The following IDO2 variants were observed in gnomAD, a reference collection of about 807,000 sequenced individuals.
IDO2 encodes indoleamine 2,3-dioxygenase 2, also known as indoleamine 2,3-dioxygenase-like 1 protein.
Under a neutral mutation model 45.1 loss-of-function variants are expected in IDO2, and 46 were observed. That is an observed-to-expected ratio of 1.02 (90% CI 0.80 to 1.30). The LOEUF is 1.30. Among genes scored for constraint, IDO2 ranks in the 50% most tolerant of loss-of-function variants. The probability of loss-of-function intolerance (pLI) is 0.00; values close to 1 mark genes in which losing one functional copy is unlikely to be tolerated. For missense variants in IDO2, 544 were observed against 491.8 expected, an observed-to-expected ratio of 1.11 and a Z score of -1.00; for synonymous variants, 218 against 184.9, an observed-to-expected ratio of 1.18 and a Z score of -1.45.
intron 2 of IDO2, among the ~76,000 whole-genome samples, chr8:39,949,735 TACTTATAA>T (rs1399460587): frequency 6.6e-6 from 1 of 152,208 alleles, no homozygotes; most frequent in Non-Finnish European, 1.5e-5. Flanking sequence ...CAGGAGCGCT[TACTTATAA>T]ACTGTCCTGG....
chr8:39,935,160 T>A lies in IDO2; in HGVS notation c.-76T>A, dbSNP rs759650617. ...ACAGAATGAAAACCTTCTTAGGAAA[T>A]GAAGCTTGACACTTCACCCACCAGG... is the stretch of plus-strand genomic sequence containing the variant. On this transcript the variant is annotated 5_prime_UTR_variant, in exon 1 of 11. The change abolishes an upstream ATG in the 5' untranslated region. Coordinates refer to ENST00000502986, the Ensembl canonical transcript of IDO2. 1.2e-6 allele frequency: 2 copies of A among 1,607,950 alleles called. No homozygotes were observed. The highest frequency in any genetic ancestry group is 1.7e-6 in the Non-Finnish European group (2 of 1,174,532).
At chr8:40,001,284 C>T (rs980448549) in intron 8 of IDO2, among the ~76,000 whole-genome samples, 2 of 137,138 alleles carry the variant, frequency 1.5e-5, no homozygotes, top group African/African-American at 5.7e-5. Context: ...CAGAGTCTCG[C>T]TCTGTTGCAG....
chr8:39,949,417 T>C (rs1807783158), intron 2 of IDO2, among the ~76,000 whole-genome samples, 153 bp downstream of exon 2: 1 of 152,180 alleles, frequency 6.6e-6, no homozygotes, highest in Admixed American at 6.5e-5. Context: ...TAGATTATCA[T>C]TACTATCAAA....
Position 39,981,389 on chromosome 8 carries a change from A to C in IDO2, c.316-1263A>C, listed in dbSNP as rs144295522. On this transcript the variant is annotated intron_variant, in intron 4 of 10. Coordinates refer to ENST00000502986, the Ensembl canonical transcript of IDO2. ...TTTTTAAAAGTGTGTCTGATGCTGA[A>C]AAGTTTGAAGTCTAGGCACGTCCCA... is the stretch of plus-strand genomic sequence containing the variant. Among the ~76,000 whole-genome samples the C allele has an allele frequency of 6.1e-3, 934 of 152,228 alleles. 5 individuals are homozygous for C. Among genetic ancestry groups the C allele is most frequent in the Middle Eastern group, 0.01 (3 of 294 alleles).
chr8:39,982,255 T>A (rs1040195913), intron 4 of IDO2, among the ~76,000 whole-genome samples: 2 of 143,152 alleles, frequency 1.4e-5, no homozygotes. Context: ...TATATATATG[T>A]ATATATATAT....
At chr8:39,989,902 G>C in intron 8 of IDO2, 64 bp downstream of exon 8, 2 of 1,074,348 alleles carry the variant, frequency 1.9e-6, no homozygotes, top group Non-Finnish European at 2.7e-6. Flanking sequence ...TAGGGGAAGA[G>C]GGCCTGGGGA....
At chr8:39,982,506 A>G (rs910217076) in intron 4 of IDO2, 146 bp from the exon 5 acceptor site, 6 of 589,474 alleles carry the variant, frequency 1.0e-5, no homozygotes, top group Non-Finnish European at 1.8e-5. Context: ...TGTGCGGCAT[A>G]TGAATGTGCA....
Position 39,990,885 on chromosome 8 carries a change from C to T in IDO2, c.667+1047C>T, listed in dbSNP as rs373837294. ...CATTCAGTTTCCAACATCTGGGAGG[C>T]TCTTCAAATTCTTCTCTCAGAGGAA... On this transcript the variant is annotated intron_variant, in intron 8 of 10. Transcript: ENST00000502986. Among the ~76,000 whole-genome samples, 88 of 152,296 alleles carry T rather than the reference C, an allele frequency of 5.8e-4. 1 individual carries two copies. The highest frequency in any genetic ancestry group is 3.4e-3 in the Middle Eastern group (1 of 294).
chr8:40,005,328 T>A (rs1224677098), exon 9 of IDO2: 5 of 1,572,556 alleles, frequency 3.2e-6, no homozygotes, highest in Non-Finnish European at 4.3e-6. Context: ...CTTCTCCAGA[T>A]TATGTAGATC....
chr8:40,004,568 C>A (rs12544637), intron 8 of IDO2, among the ~76,000 whole-genome samples: 6,171 of 148,788 alleles, frequency 0.041, 164 homozygotes, highest in Middle Eastern at 0.08. Context: ...GATAGATAGA[C>A]GATAGATAGA....
At chr8:39,986,401 A>C (rs1026670357) in intron 6 of IDO2, 1 of 152,196 alleles carries the variant, frequency 6.6e-6, no homozygotes, top group Admixed American at 6.5e-5. Context: ...AAAACTGGGC[A>C]GATGGGGGCA....
At chr8:40,004,567 A>ATAGATAGATGAT (rs55986019) in intron 8 of IDO2, among the ~76,000 whole-genome samples, 4 of 106,998 alleles carry the variant, frequency 3.7e-5, no homozygotes, top group Admixed American at 2.0e-4. Context: ...AGATAGATAG[A>ATAGATAGATGAT]CGATAGATAG....
chr8:39,950,973 A>G (rs191767544), intron 2 of IDO2, among the ~76,000 whole-genome samples: 3 of 152,130 alleles, frequency 2.0e-5, no homozygotes, highest in African/African-American at 7.2e-5. Context: ...GAACTTTCCC[A>G]TTTCTGACAG....
chr8:39,969,867 C>T (rs1808153191), intron 3 of IDO2, among the ~76,000 whole-genome samples: 2 of 86,534 alleles, frequency 2.3e-5, no homozygotes, highest in Admixed American at 3.0e-4. Flanking sequence ...AAGAGTAAAA[C>T]TCCTTCTCAA....
intron 3 of IDO2, 121 bp from the exon 4 acceptor site, chr8:39,978,946 A>T: frequency 1.1e-6 from 1 of 896,434 alleles, no homozygotes; most frequent in Non-Finnish European, 1.7e-6. Context: ...TACCTTCATT[A>T]AAATATAACC....
At position 39,989,715 on chromosome 8, in the gene IDO2, C is replaced by G; in HGVS notation, c.550-6C>G. ...AATAAGTTGTGTACATGCATCTCATCCCTAGGCTCTTGTTCAGGCCACGAA... is the reference window on the plus strand; with the variant it reads ...AATAAGTTGTGTACATGCATCTCATGCCTAGGCTCTTGTTCAGGCCACGAA... On this transcript the variant is annotated splice_region_variant and splice_polypyrimidine_tract_variant and intron_variant, in intron 7 of 10. Coordinates refer to ENST00000502986, the Ensembl canonical transcript of IDO2. The G allele has an allele frequency of 1.3e-6, 2 of 1,567,436 alleles. No homozygotes were observed. The highest frequency in any genetic ancestry group is 1.7e-6 in the Non-Finnish European group (2 of 1,154,088).
intron 8 of IDO2, among the ~76,000 whole-genome samples, chr8:40,002,646 C>T (rs995562135): frequency 2.0e-5 from 3 of 152,022 alleles, no homozygotes; most frequent in Admixed American, 6.6e-5. Context: ...ATTAGCTGGA[C>T]GTTGGGCACT....
At chr8:39,985,805 C>A (rs538258372) in intron 6 of IDO2, 21 of 329,356 alleles carry the variant, frequency 6.4e-5, no homozygotes, top group Admixed American at 2.9e-4. Flanking sequence ...CAAAATGAAA[C>A]TTTATCAAAT....
At chr8:39,959,805 G>A (rs1000442894) in intron 2 of IDO2, among the ~76,000 whole-genome samples, 1 of 152,172 alleles carries the variant, frequency 6.6e-6, no homozygotes, top group African/African-American at 2.4e-5. Flanking sequence ...GGGTGAAACT[G>A]TGCCTCAAAA....
Sources: allele counts gnomAD v4.1 joint callset (sites outside exome capture counted in the v4.1 genomes callset), GRCh38; gene constraint gnomAD v4.1.1; transcripts MANE v1.5; gene names NCBI Gene and HGNC (gene_info 2026-07-23, HGNC 2026-07-21).